MDGA2: variants seen among roughly 807,000 people sequenced by gnomAD.
MDGA2 encodes MAM domain-containing glycosylphosphatidylinositol anchor protein 2.
In MDGA2, 40 loss-of-function variants were observed where a neutral mutation model predicts 117.8. That is an observed-to-expected ratio of 0.34 (90% CI 0.26 to 0.44). The LOEUF is 0.44. MDGA2 is among the 20% of genes least tolerant of loss of function. The pLI, the probability that MDGA2 is intolerant of heterozygous loss-of-function variation, is 1.00. For synonymous variants in MDGA2, 452 were observed against 439.0 expected (o/e 1.03, Z -0.37); for missense variants, 1,123 against 1,250.6 (o/e 0.90, Z 1.54).
intron 6 of MDGA2, among the ~76,000 whole-genome samples, chr14:47,070,453 C>T (rs1363297713): frequency 6.6e-6 from 1 of 152,114 alleles, no homozygotes; most frequent in Non-Finnish European, 1.5e-5. Context: ...TTTGAAGTTC[C>T]TGAGACATTG....
In MDGA2 at chr14:46,887,335, A is replaced by C. The variant is rs150265594; in HGVS notation, c.2239-5114T>G. On this transcript the variant is annotated intron_variant, in intron 10 of 16. Transcript: ENST00000399232. ...AGAGACAGGTTAAGGTAACTCTTTT[A>C]AGTGGCAGCTTCAGAATGTGGTTAG... 2.8e-4 allele frequency among the ~76,000 whole-genome samples: 43 copies of C among 152,058 alleles called. No homozygotes were observed. The East Asian group carries it at 7.4e-3, about 26-fold the overall frequency.
chr14:47,171,709 C>T (rs529378639), intron 3 of MDGA2, among the ~76,000 whole-genome samples: 83 of 152,320 alleles, frequency 5.4e-4, no homozygotes, highest in African/African-American at 1.8e-3. Context: ...CAGCTCCCAG[C>T]GTGAGCGACA....
chr14:47,467,747 A>ATG (rs897024369), intron 1 of MDGA2, among the ~76,000 whole-genome samples: 2 of 151,994 alleles, frequency 1.3e-5, no homozygotes, highest in East Asian at 1.9e-4. Flanking sequence ...TTCAATAAGT[A>ATG]TGTGTGTGTG....
chr14:47,120,814 C>T (rs1172488499), intron 5 of MDGA2, among the ~76,000 whole-genome samples: 2 of 152,148 alleles, frequency 1.3e-5, no homozygotes, highest in Non-Finnish European at 2.9e-5. Context: ...GATACACTAT[C>T]CCTACAATAT....
At chr14:46,888,145 A>T (rs1194182307) in intron 10 of MDGA2, among the ~76,000 whole-genome samples, 1 of 152,016 alleles carries the variant, frequency 6.6e-6, no homozygotes, top group East Asian at 1.9e-4. Context: ...AGCTGTAATG[A>T]AAGTGTATAC....
At chr14:47,064,782 C>T (rs959140789) in intron 6 of MDGA2, among the ~76,000 whole-genome samples, 1 of 152,010 alleles carries the variant, frequency 6.6e-6, no homozygotes, top group South Asian at 2.1e-4. Flanking sequence ...CAGGTTCCTT[C>T]GTTTATAATT....
At chr14:47,439,671 CGACT>C (rs1188843854) in intron 1 of MDGA2, among the ~76,000 whole-genome samples, 6 of 151,672 alleles carry the variant, frequency 4.0e-5, no homozygotes, top group Non-Finnish European at 5.9e-5. Context: ...GGATAATGAC[CGACT>C]AAATTTTTTT....
At chr14:47,192,234 C>T (rs1885141169) in intron 3 of MDGA2, among the ~76,000 whole-genome samples, 1 of 152,072 alleles carries the variant, frequency 6.6e-6, no homozygotes, top group African/African-American at 2.4e-5. Flanking sequence ...CGAGGTGGCT[C>T]ATGCCTGTAA....
intron 2 of MDGA2, among the ~76,000 whole-genome samples, chr14:47,274,839 C>T (rs1333070862): frequency 6.6e-6 from 1 of 152,088 alleles, no homozygotes; most frequent in Admixed American, 6.6e-5. Flanking sequence ...GTATTTTACG[C>T]ACTTATTGAA....
At chr14:47,670,587 G>A (rs1417119779) in intron 1 of MDGA2, among the ~76,000 whole-genome samples, 1 of 152,092 alleles carries the variant, frequency 6.6e-6, no homozygotes, top group African/African-American at 2.4e-5. Flanking sequence ...AAAATGCATT[G>A]GATCACTTAG....
intron 2 of MDGA2, among the ~76,000 whole-genome samples, chr14:47,250,611 C>A (rs1177157809): frequency 1.3e-5 from 2 of 152,106 alleles, no homozygotes; most frequent in Non-Finnish European, 2.9e-5. Flanking sequence ...GGACAGTGGG[C>A]CCTCACCAGA....
At chr14:47,208,322 A>T (rs1885759497) in intron 3 of MDGA2, among the ~76,000 whole-genome samples, 1 of 152,082 alleles carries the variant, frequency 6.6e-6, no homozygotes, top group South Asian at 2.1e-4. Context: ...TTCTGAATAC[A>T]TTCAGAGAAA....
intron 1 of MDGA2, among the ~76,000 whole-genome samples, chr14:47,406,060 A>T (rs181642184): frequency 4.6e-5 from 7 of 152,276 alleles, no homozygotes; most frequent in African/African-American, 7.2e-5. Context: ...TGATCTCTTT[A>T]TGTGGAAATA....
intron 1 of MDGA2, among the ~76,000 whole-genome samples, chr14:47,411,343 G>C (rs960515883): frequency 2.6e-5 from 4 of 152,064 alleles, no homozygotes; most frequent in African/African-American, 9.7e-5. Flanking sequence ...ACTAAGGCAT[G>C]TATATAAGTG....
intron 14 of MDGA2, among the ~76,000 whole-genome samples, chr14:46,866,086 C>A (rs1483667619): frequency 2.0e-5 from 3 of 151,872 alleles, no homozygotes; most frequent in Non-Finnish European, 2.9e-5. Flanking sequence ...ATCACCAAGT[C>A]AATCCTAAGC....
intron 5 of MDGA2, among the ~76,000 whole-genome samples, chr14:47,115,766 G>T (rs2139077151): frequency 6.6e-6 from 1 of 152,022 alleles, no homozygotes; most frequent in South Asian, 2.1e-4. Flanking sequence ...AACAAACTAG[G>T]AATGGTAGGA....
intron 6 of MDGA2, among the ~76,000 whole-genome samples, chr14:47,083,624 A>G (rs1488837404): frequency 6.6e-6 from 1 of 152,076 alleles, no homozygotes; most frequent in African/African-American, 2.4e-5. Context: ...AAATACACCA[A>G]TTGAAACAAG....
At chr14:47,636,841 GC>G (rs1897332330) in intron 1 of MDGA2, among the ~76,000 whole-genome samples, 3 of 134,824 alleles carry the variant, frequency 2.2e-5, no homozygotes, top group Non-Finnish European at 4.6e-5. Flanking sequence ...GCATGGTGGA[GC>G]GTGCCTGTAA....
intron 1 of MDGA2, among the ~76,000 whole-genome samples, chr14:47,355,267 G>C (rs541068507): frequency 6.6e-6 from 1 of 152,250 alleles, no homozygotes; most frequent in Non-Finnish European, 1.5e-5. Context: ...AGGACCCAAA[G>C]GTATCAGGAA....
Sources: gnomAD v4.1 joint callset for allele counts (sites outside exome capture counted in the v4.1 genomes callset) on GRCh38, gnomAD v4.1.1 for gene constraint, MANE v1.5 for transcripts, NCBI Gene and HGNC (gene_info 2026-07-23, HGNC 2026-07-21) for gene names.